The following DOCK3 variants were observed in gnomAD, a reference collection of about 807,000 sequenced individuals.
DOCK3 encodes dedicator of cytokinesis 3, also known as dedicator of cytokinesis protein 3.
Under a neutral mutation model 265.6 loss-of-function variants are expected in DOCK3, and 60 were observed. The ratio of observed to expected loss-of-function variants is 0.23; its 90% CI spans 0.18 to 0.28. The LOEUF (loss-of-function observed/expected upper bound fraction) is 0.28. Among genes scored for constraint, DOCK3 ranks in the 10% least tolerant of loss-of-function variants. The pLI is 1.00. For synonymous variants in DOCK3, 881 were observed against 938.0 expected, an observed-to-expected ratio of 0.94 and a Z score of 1.11; for missense variants, 1,981 against 2,594.3, an observed-to-expected ratio of 0.76 and a Z score of 5.14.
chr3:50,785,526 T>C (rs1470396731), intron 2 of DOCK3, among the ~76,000 whole-genome samples: 1 of 152,240 alleles, frequency 6.6e-6, no homozygotes, highest in Non-Finnish European at 1.5e-5. Flanking sequence ...TCATAAAGGA[T>C]GCTGGATTTT....
intron 3 of DOCK3, among the ~76,000 whole-genome samples, chr3:50,858,638 C>T (rs1258790847): frequency 6.6e-6 from 1 of 151,912 alleles, no homozygotes; most frequent in African/African-American, 2.4e-5. Context: ...TGGGGATGAT[C>T]TTCTTATGTA....
chr3:50,817,327 T>C (rs1275619774), intron 2 of DOCK3, among the ~76,000 whole-genome samples: 1 of 152,164 alleles, frequency 6.6e-6, no homozygotes, highest in Non-Finnish European at 1.5e-5. Flanking sequence ...TTTACCCAGC[T>C]CCTATTTAAG....
chr3:51,232,789 G>T (rs2078182949), intron 19 of DOCK3, among the ~76,000 whole-genome samples: 1 of 152,130 alleles, frequency 6.6e-6, no homozygotes, highest in African/African-American at 2.4e-5. Flanking sequence ...TTTGTTGCAT[G>T]CATGGTTTGC....
chr3:50,782,289 A>ATTTTTTTTTTTTTTTTTT (rs71084112), intron 2 of DOCK3, among the ~76,000 whole-genome samples: 8 of 110,044 alleles, frequency 7.3e-5, no homozygotes, highest in African/African-American at 1.4e-4. Flanking sequence ...AGTACCTGTT[A>ATTTTTTTTTTTTTTTTTT]TTTTTTTTTT....
intron 49 of DOCK3, among the ~76,000 whole-genome samples, chr3:51,368,013 A>G (rs2087370695): frequency 6.6e-6 from 1 of 152,088 alleles, no homozygotes. Flanking sequence ...TGTTCTCTGT[A>G]TTTCCTGAAT....
intron 2 of DOCK3, among the ~76,000 whole-genome samples, chr3:50,816,346 C>T (rs1252828411): frequency 8.6e-6 from 1 of 116,374 alleles, no homozygotes; most frequent in African/African-American, 3.2e-5. Flanking sequence ...TTTTTTGAGA[C>T]ACTCTCACTC....
At chr3:51,205,483 C>T (rs2108087286) in intron 12 of DOCK3, among the ~76,000 whole-genome samples, 1 of 150,048 alleles carries the variant, frequency 6.7e-6, no homozygotes, top group Admixed American at 6.6e-5. Context: ...CGCTTGAGTT[C>T]AGGAGTTCGA....
intron 19 of DOCK3, among the ~76,000 whole-genome samples, chr3:51,230,928 T>A (rs1205752681): frequency 9.6e-6 from 1 of 104,568 alleles, no homozygotes; most frequent in Non-Finnish European, 2.0e-5. Flanking sequence ...TGGGTCTTTT[T>A]GGTAGAATGA....
intron 5 of DOCK3, among the ~76,000 whole-genome samples, chr3:51,008,059 G>A (rs978708082): frequency 1.3e-5 from 2 of 152,170 alleles, no homozygotes; most frequent in Non-Finnish European, 2.9e-5. Flanking sequence ...GTAGCATGAT[G>A]CCTCCAGCTT....
At chr3:50,809,410 C>G (rs1317063247) in intron 2 of DOCK3, among the ~76,000 whole-genome samples, 1 of 152,168 alleles carries the variant, frequency 6.6e-6, no homozygotes, top group Non-Finnish European at 1.5e-5. Context: ...AGAATTAAAA[C>G]ACGATACCAA....
At chr3:51,332,861 G>C in intron 33 of DOCK3, 140 bp from the exon 34 acceptor site, 1 of 987,752 alleles carries the variant, frequency 1.0e-6, no homozygotes, top group Non-Finnish European at 1.6e-6. Flanking sequence ...GTATGCCTAA[G>C]GTGGCTGGAG....
chr3:51,016,959 A>ATT (rs1226378464), intron 5 of DOCK3, among the ~76,000 whole-genome samples: 1 of 18,584 alleles, frequency 5.4e-5, no homozygotes, highest in Non-Finnish European at 8.1e-5. Context: ...TAATATATAT[A>ATT]TTATATATAT....
intron 27 of DOCK3, among the ~76,000 whole-genome samples, chr3:51,281,484 A>G (rs576526554): frequency 1.3e-5 from 2 of 151,996 alleles, no homozygotes; most frequent in South Asian, 4.2e-4. Context: ...TTGGTCATCA[A>G]ATCTGGTGAG....
At chr3:50,784,263 G>T (rs2042073383) in intron 2 of DOCK3, among the ~76,000 whole-genome samples, 1 of 152,164 alleles carries the variant, frequency 6.6e-6, no homozygotes, top group Non-Finnish European at 1.5e-5. Flanking sequence ...GTTGAATAGG[G>T]TGTGTCCTTT....
chr3:51,022,880 A>G (rs952993467), intron 5 of DOCK3, among the ~76,000 whole-genome samples: 1 of 152,154 alleles, frequency 6.6e-6, no homozygotes, highest in African/African-American at 2.4e-5. Context: ...GTAGGGGCCC[A>G]GTTTCATTCT....
At chr3:50,763,811 A>G (rs558948559) in intron 1 of DOCK3, among the ~76,000 whole-genome samples, 2 of 152,162 alleles carry the variant, frequency 1.3e-5, no homozygotes, top group South Asian at 2.1e-4. Context: ...AATCAATTCT[A>G]TTGATATTTT....
chr3:50,977,472 C>T (rs1375979351), intron 5 of DOCK3, among the ~76,000 whole-genome samples: 1 of 152,064 alleles, frequency 6.6e-6, no homozygotes, highest in Non-Finnish European at 1.5e-5. Flanking sequence ...AATATTGGCC[C>T]CCACTGTCTT....
chr3:51,052,959 G>A (rs2081047728), intron 5 of DOCK3, among the ~76,000 whole-genome samples: 1 of 151,354 alleles, frequency 6.6e-6, no homozygotes, highest in Non-Finnish European at 1.5e-5. Flanking sequence ...ATAAATAGCA[G>A]TGAGGGCTAA....
At chr3:51,287,892 C>T (rs1418575879) in intron 27 of DOCK3, among the ~76,000 whole-genome samples, 1 of 152,194 alleles carries the variant, frequency 6.6e-6, no homozygotes, top group Non-Finnish European at 1.5e-5. Flanking sequence ...CCTAAATGCC[C>T]ATCAGTGGTA....
Sources: allele counts gnomAD v4.1 joint callset (sites outside exome capture counted in the v4.1 genomes callset), GRCh38; gene constraint gnomAD v4.1.1; transcripts MANE v1.5; gene names NCBI Gene and HGNC (gene_info 2026-07-23, HGNC 2026-07-21).